Variants in PLCL2 observed in about 807,000 individuals in gnomAD.
PLCL2 encodes the protein phospholipase C like 2.
In PLCL2, 4 loss-of-function variants were observed where a neutral mutation model predicts 79.6. The observed-to-expected ratio is 0.05, with a 90% CI of 0.02 to 0.11. PLCL2 has a LOEUF of 0.11. Ranked by LOEUF, PLCL2 falls within the 10% of genes least tolerant of loss-of-function variation. The pLI is 1.00. For synonymous variants in PLCL2, 484 were observed against 457.7 expected, an observed-to-expected ratio of 1.06 and a Z score of -0.73; for missense variants, 895 against 1,291.0, an observed-to-expected ratio of 0.69 and a Z score of 4.70.
intron 1 of PLCL2, among the ~76,000 whole-genome samples, chr3:16,997,755 G>T (rs938749865): frequency 6.6e-6 from 1 of 151,922 alleles, no homozygotes; most frequent in African/African-American, 2.4e-5. Context: ...AGCCAGGATG[G>T]TCTTGATCTC....
Position 17,009,788 on chromosome 3 carries a change from G to A in PLCL2, c.442G>A (p.Glu148Lys), listed in dbSNP as rs781512811. The A allele has an allele frequency of 1.2e-6, 2 of 1,613,898 alleles. No individual in the cohort carries two copies. The highest frequency in any genetic ancestry group is 1.7e-6 in the Non-Finnish European group (2 of 1,179,814). Residue 148 changes from glutamate (E) to lysine (K), a missense_variant, in exon 2 of 6, where the codon GAA (glutamate) becomes AAA (lysine). Transcript: ENST00000615277. The surrounding 1 kb of genome is among the most constrained non-coding windows in gnomAD (Gnocchi z 4.0). ...TATTAATTCAATGGTTGAGGGTTCA[G>A]AACTCAAAAAGGTTCGCTCCAACTC... ...DCINSMVEGSELKKVRSNSRI... is the reference protein window; with the variant it reads ...DCINSMVEGSKLKKVRSNSRI...
intron 3 of PLCL2, among the ~76,000 whole-genome samples, chr3:17,027,958 C>T (rs1168120897): frequency 6.6e-6 from 1 of 152,202 alleles, no homozygotes; most frequent in East Asian, 1.9e-4. Flanking sequence ...TCCACCTGAG[C>T]TGTGTGCTAT....
intron 1 of PLCL2, among the ~76,000 whole-genome samples, chr3:17,001,567 A>G (rs952829243): frequency 2.0e-5 from 3 of 152,106 alleles, no homozygotes; most frequent in East Asian, 1.9e-4. Context: ...TATTCTTTGC[A>G]TATGGATATC....
chr3:16,946,295 A>G (rs536359726), intron 1 of PLCL2, among the ~76,000 whole-genome samples: 3 of 152,170 alleles, frequency 2.0e-5, no homozygotes, highest in Non-Finnish European at 4.4e-5. Flanking sequence ...GGCCTAGCGG[A>G]CGCTTCGGAA....
chr3:16,985,154 T>A (rs1041833601), intron 1 of PLCL2, among the ~76,000 whole-genome samples: 1 of 152,124 alleles, frequency 6.6e-6, no homozygotes, highest in African/African-American at 2.4e-5. Context: ...GTTTTAGTTA[T>A]TTTAGGGCTC....
intron 1 of PLCL2, among the ~76,000 whole-genome samples, chr3:16,953,663 T>C (rs1355975291): frequency 6.6e-6 from 1 of 152,180 alleles, no homozygotes; most frequent in Non-Finnish European, 1.5e-5. Context: ...AAATTCATTG[T>C]GTACAAGCTG....
At chr3:17,068,627 CTT>C (rs946133452) in intron 5 of PLCL2, among the ~76,000 whole-genome samples, 7 of 152,072 alleles carry the variant, frequency 4.6e-5, no homozygotes, top group Non-Finnish European at 2.9e-5. Context: ...TAAAAATTAA[CTT>C]TTTATTTTTT....
chr3:17,032,550 T>C (rs1474201316), intron 3 of PLCL2, among the ~76,000 whole-genome samples: 2 of 152,122 alleles, frequency 1.3e-5, no homozygotes, highest in African/African-American at 2.4e-5. Context: ...TTTTTCCTTA[T>C]CTTTGCTCCT....
chr3:17,076,968 C>T (rs1055281200), intron 5 of PLCL2, among the ~76,000 whole-genome samples: 1 of 152,168 alleles, frequency 6.6e-6, no homozygotes, highest in Admixed American at 6.5e-5. Flanking sequence ...ATATCCTCTA[C>T]CTTCTTGAAG....
intron 5 of PLCL2, among the ~76,000 whole-genome samples, chr3:17,075,299 A>G (rs935515703): frequency 6.6e-6 from 1 of 152,198 alleles, no homozygotes; most frequent in South Asian, 2.1e-4. Context: ...CAGAACACAC[A>G]CAACATTTAC....
chr3:17,006,976 A>G (rs184589203), intron 1 of PLCL2, among the ~76,000 whole-genome samples: 21 of 152,386 alleles, frequency 1.4e-4, no homozygotes, highest in African/African-American at 4.8e-4. Flanking sequence ...AAATGAAAGA[A>G]TAAAAGATTA....
chr3:16,935,758 A>G (rs1697523647), intron 1 of PLCL2, among the ~76,000 whole-genome samples: 4 of 152,212 alleles, frequency 2.6e-5, no homozygotes, highest in African/African-American at 2.4e-5. Context: ...ACTAATACTT[A>G]TACCTGGGCA....
chr3:17,015,030 C>G, intron 3 of PLCL2, 119 bp downstream of exon 3: 1 of 749,124 alleles, frequency 1.3e-6, no homozygotes, highest in Non-Finnish European at 2.3e-6. Context: ...CTTCATTCAC[C>G]TATGCTGGAG....
chr3:17,084,604 G>T (rs565013108), intron 5 of PLCL2, among the ~76,000 whole-genome samples: 64 of 152,202 alleles, frequency 4.2e-4, no homozygotes, highest in African/African-American at 1.5e-3. Flanking sequence ...TTTATACTGG[G>T]TATACAAGGT....
chr3:17,080,046 T>TG (rs553796527), intron 5 of PLCL2, among the ~76,000 whole-genome samples: 52 of 152,214 alleles, frequency 3.4e-4, no homozygotes, highest in African/African-American at 1.1e-3. Flanking sequence ...TTGCACCCTT[T>TG]GGGGTGGAGG....
Position 16,924,926 on chromosome 3 carries a change from TG to T in PLCL2, c.327+39561del, listed in dbSNP as rs1190804199. Among the ~76,000 whole-genome samples, 71 of 152,076 alleles carry T rather than the reference TG, an allele frequency of 4.7e-4. 1 individual carries two copies. The South Asian group carries it at 0.014, about 29-fold the overall frequency. ...AATTTAAATCTACAGAATACAAGTT[TG>T]TTTGTTTTTTTTTTGAGATGGAGTC... On this transcript the variant is annotated intron_variant, in intron 1 of 5. Transcript: ENST00000615277.
chr3:17,012,176 T>C lies in PLCL2; in HGVS notation c.2814+16T>C, dbSNP rs2064333458. The C allele has an allele frequency of 6.3e-7, 1 of 1,592,372 alleles. No homozygotes were observed. The highest frequency in any genetic ancestry group is 2.2e-5 in the East Asian group (1 of 44,588). Reference sequence around the variant, plus strand: ...AAACATGCAGGTGCGTGCTTGTGTTTAATCATTTACTCAATGGTTTTCCTA... The same window carrying C: ...AAACATGCAGGTGCGTGCTTGTGTTCAATCATTTACTCAATGGTTTTCCTA... On this transcript the variant is annotated intron_variant, in intron 2 of 5. Transcript: ENST00000615277.
Position 17,012,114 on chromosome 3 carries a change from C to T in PLCL2, c.2768C>T (p.Ala923Val). 3 of 1,614,016 alleles carry T rather than the reference C, an allele frequency of 1.9e-6. No individual in the cohort carries two copies. The highest frequency in any genetic ancestry group is 2.5e-6 in the Non-Finnish European group (3 of 1,179,910). The change falls in exon 2 of 6, where the codon GCC becomes GTC. Residue 923 changes from alanine (A) to valine (V), a missense_variant. Ala to Val is a moderately conservative substitution (Grantham distance 64). Transcript: ENST00000615277. ...ACCGTGGATGAGGTATTCAAGAATG[C>T]CCAGCCCCCTATACGGGATGCCACA... ...IKTVDEVFKN[A>V]QPPIRDATDL...
chr3:17,069,948 T>G (rs1313252348), intron 5 of PLCL2, among the ~76,000 whole-genome samples: 1 of 152,222 alleles, frequency 6.6e-6, no homozygotes, highest in African/African-American at 2.4e-5. Context: ...TACAATTTGC[T>G]GACTCACTCC....
Sources: allele counts gnomAD v4.1 joint callset (sites outside exome capture counted in the v4.1 genomes callset), GRCh38; gene constraint gnomAD v4.1.1; non-coding constraint Gnocchi (gnomAD v3.1); transcripts MANE v1.5; gene names NCBI Gene and HGNC (gene_info 2026-07-23, HGNC 2026-07-21).